Variants in RBFOX1 observed in about 807,000 individuals in gnomAD.
RBFOX1 encodes RNA binding fox-1 homolog 1.
Under a neutral mutation model 57.7 loss-of-function variants are expected in RBFOX1, and 8 were observed. That is an observed-to-expected ratio of 0.14 (90% CI 0.08 to 0.25). RBFOX1 has a LOEUF of 0.25. Ranked by LOEUF, RBFOX1 falls within the 10% of genes least tolerant of loss-of-function variation. The probability of loss-of-function intolerance (pLI) is 1.00; values close to 1 mark genes in which losing one functional copy is unlikely to be tolerated. For synonymous variants in RBFOX1, 326 were observed against 222.4 expected (o/e 1.47, Z -4.15); for missense variants, 611 against 548.5 (o/e 1.11, Z -1.14).
At chr16:6,099,079 T>A (rs2096276484) in intron 1 of RBFOX1, among the ~76,000 whole-genome samples, 1 of 152,238 alleles carries the variant, frequency 6.6e-6, no homozygotes, top group African/African-American at 2.4e-5. Flanking sequence ...TCTGTCATGT[T>A]GTATGAGTCC....
intron 4 of RBFOX1, among the ~76,000 whole-genome samples, chr16:5,998,322 A>T (rs1269609401): frequency 6.6e-6 from 1 of 152,210 alleles, no homozygotes; most frequent in Admixed American, 6.5e-5. Context: ...AAATTTGAGG[A>T]AAACTAAAAT....
chr16:5,959,624 T>A (rs1007942327), intron 4 of RBFOX1, among the ~76,000 whole-genome samples: 1 of 151,650 alleles, frequency 6.6e-6, no homozygotes, highest in South Asian at 2.1e-4. Context: ...TACAACTGAG[T>A]TTGGATTGAA....
At chr16:7,145,245 C>T (rs929344373) in intron 4 of RBFOX1, among the ~76,000 whole-genome samples, 7 of 152,064 alleles carry the variant, frequency 4.6e-5, no homozygotes, top group African/African-American at 1.7e-4. Flanking sequence ...TGCTCTGTTG[C>T]CCAGGCTGGA....
At position 7,160,738 on chromosome 16, in the gene RBFOX1, T is replaced by C. The variant is rs568127451; in HGVS notation, c.27+108640T>C. ...TACATTTTCAGGCAGTTTCTTAACA[T>C]AGGTACCTATGTCTATTCCTCCTCC... On this transcript the variant is annotated intron_variant, in intron 4 of 15. Transcript: ENST00000550418. Among the ~76,000 whole-genome samples, 8 of 152,130 alleles carry C rather than the reference T, an allele frequency of 5.3e-5. No individual in the cohort carries two copies. In the South Asian group the frequency reaches 1.7e-3, roughly 32 times the overall value.
chr16:7,257,709 C>A (rs1175311129), intron 4 of RBFOX1, among the ~76,000 whole-genome samples: 2 of 152,188 alleles, frequency 1.3e-5, no homozygotes, highest in East Asian at 3.8e-4. Context: ...GGAAATCTCT[C>A]CCTTGCTCTG....
chr16:7,142,115 C>T (rs551114118), intron 4 of RBFOX1, among the ~76,000 whole-genome samples: 7 of 152,044 alleles, frequency 4.6e-5, no homozygotes, highest in Non-Finnish European at 7.4e-5. Context: ...CATCAACCTC[C>T]CAGGCTAAAG....
At chr16:7,583,703 C>T (rs1252564247) in intron 6 of RBFOX1, among the ~76,000 whole-genome samples, 1 of 152,058 alleles carries the variant, frequency 6.6e-6, no homozygotes, top group South Asian at 2.1e-4. Flanking sequence ...CTTGGCCAGG[C>T]ATGATGGTGG....
chr16:5,573,523 G>T lies in RBFOX1; in HGVS notation c.259-25379G>T, dbSNP rs370910785. 2.1e-4 allele frequency among the ~76,000 whole-genome samples: 32 copies of T among 152,286 alleles called. No individual in the cohort carries two copies. In the East Asian group the frequency reaches 6.2e-3, roughly 29 times the overall value. ...AGGTGACTTGGGTACTGACAACTTT[G>T]AGAGGTTCAGCTCCACGGAATGTAC... is the stretch of plus-strand genomic sequence containing the variant. On this transcript the variant is annotated intron_variant, in intron 2 of 2. Coordinates refer to the RBFOX1 transcript ENST00000585867.
intron 1 of RBFOX1, among the ~76,000 whole-genome samples, chr16:5,408,626 T>C (rs2066927223): frequency 6.6e-6 from 1 of 152,184 alleles, no homozygotes; most frequent in Admixed American, 6.5e-5. Flanking sequence ...ATAAGAAGTA[T>C]CTGAGACTGG....
chr16:7,241,141 G>A (rs907591017), intron 4 of RBFOX1, among the ~76,000 whole-genome samples: 7 of 152,142 alleles, frequency 4.6e-5, no homozygotes, highest in African/African-American at 1.7e-4. Context: ...AGTATCCCCT[G>A]CATTTGGAAA....
intron 3 of RBFOX1, among the ~76,000 whole-genome samples, chr16:5,651,091 C>G (rs1418128327): frequency 9.1e-6 from 1 of 110,040 alleles, no homozygotes; most frequent in Non-Finnish European, 1.7e-5. Flanking sequence ...CTCACTCTGT[C>G]ACCCAGGCTG....
chr16:7,463,531 C>T (rs1460123044), intron 4 of RBFOX1, among the ~76,000 whole-genome samples: 1 of 152,114 alleles, frequency 6.6e-6, no homozygotes, highest in Non-Finnish European at 1.5e-5. Flanking sequence ...TACAAATCCC[C>T]ATCAACAGAG....
At chr16:6,210,383 A>AAAAAAAAAAG (rs1567684632) in intron 1 of RBFOX1, among the ~76,000 whole-genome samples, 1 of 144,510 alleles carries the variant, frequency 6.9e-6, no homozygotes, top group African/African-American at 2.5e-5. Context: ...AAAAAAGAGA[A>AAAAAAAAAAG]AGGAAGGAAG....
At chr16:5,323,538 G>C (rs1197370706) in intron 1 of RBFOX1, among the ~76,000 whole-genome samples, 1 of 152,272 alleles carries the variant, frequency 6.6e-6, no homozygotes, top group African/African-American at 2.4e-5. Context: ...GGGCTCTGCA[G>C]ATGCATTGCT....
intron 1 of RBFOX1, among the ~76,000 whole-genome samples, chr16:6,103,711 C>G (rs905904214): frequency 6.6e-6 from 1 of 152,080 alleles, no homozygotes; most frequent in African/African-American, 2.4e-5. Flanking sequence ...GAGGTCAAGT[C>G]TGGAGTGGAC....
chr16:7,068,885 G>A (rs189457694), intron 4 of RBFOX1, among the ~76,000 whole-genome samples: 1,680 of 152,258 alleles, frequency 0.011, 16 homozygotes, highest in Non-Finnish European at 0.017. Flanking sequence ...CACCGCGCCC[G>A]GCCTGATACT....
intron 4 of RBFOX1, among the ~76,000 whole-genome samples, chr16:7,469,391 C>T (rs8057315): frequency 1.3e-5 from 2 of 151,984 alleles, no homozygotes; most frequent in East Asian, 1.9e-4. Flanking sequence ...ATTCCTAAAC[C>T]TATGAGGCTA....
chr16:5,442,242 C>T (rs759700010), intron 1 of RBFOX1, among the ~76,000 whole-genome samples: 4 of 152,166 alleles, frequency 2.6e-5, no homozygotes, highest in African/African-American at 7.2e-5. Flanking sequence ...AAGGGCATTC[C>T]GTCCAGTGGG....
chr16:6,980,287 G>A (rs1429169010), intron 3 of RBFOX1, among the ~76,000 whole-genome samples: 3 of 152,290 alleles, frequency 2.0e-5, no homozygotes, highest in Non-Finnish European at 4.4e-5. Flanking sequence ...GTGCGTTTAT[G>A]ATATGAACAA....
Sources: allele counts gnomAD v4.1 joint callset (sites outside exome capture counted in the v4.1 genomes callset), GRCh38; gene constraint gnomAD v4.1.1; transcripts MANE v1.5; gene names NCBI Gene and HGNC (gene_info 2026-07-23, HGNC 2026-07-21).